Variants in GNA11 observed in about 807,000 individuals in gnomAD.
GNA11 encodes the protein guanine nucleotide-binding protein subunit alpha-11.
In GNA11, 8 loss-of-function variants were observed where a neutral mutation model predicts 38.2. The ratio of observed to expected loss-of-function variants is 0.21; its 90% CI spans 0.12 to 0.38. GNA11 has a LOEUF of 0.38. Ranked by LOEUF, GNA11 falls within the 10% of genes least tolerant of loss-of-function variation. The probability of loss-of-function intolerance (pLI) is 1.00; values close to 1 mark genes in which losing one functional copy is unlikely to be tolerated. For synonymous variants in GNA11, 211 were observed against 221.4 expected (o/e 0.95, Z 0.42); for missense variants, 268 against 516.3 (o/e 0.52, Z 4.66).
In GNA11 at chr19:3,123,608, G is replaced by A. The variant is rs754047880; in HGVS notation, c.*2429G>A. 4.3e-5 allele frequency: 10 copies of A among 233,032 alleles called. No individual in the cohort carries two copies. The highest frequency in any genetic ancestry group is 1.2e-4 in the East Asian group (2 of 16,574). The allele number at this position is 233,032 out of a possible 1,614,324, so 14.4% of individuals were successfully genotyped here. ...TTACGCCCGGGCGGCAGCAGCCCCC[G>A]GCCACTGCAAACCCATGCCCTGGGT... On this transcript the variant is annotated 3_prime_UTR_variant, in exon 7 of 7. Transcript: ENST00000078429.
chr19:3,121,199 C>T lies in GNA11; in HGVS notation c.*20C>T, dbSNP rs370289329. 114 of 1,591,942 alleles carry T rather than the reference C, an allele frequency of 7.2e-5. No homozygotes were observed. Among genetic ancestry groups the T allele is most frequent in the South Asian group, 2.7e-4 (24 of 90,092 alleles). ...GTCTGAGCGCCCAGGCCCAGGGAGA[C>T]GGGATGGAGACACGGGGCAGGACCT... On this transcript the variant is annotated 3_prime_UTR_variant, in exon 7 of 7. Coordinates refer to ENST00000078429, the MANE Select transcript of GNA11 (RefSeq NM_002067.5).
In GNA11 at chr19:3,094,903, G is replaced by T; in HGVS notation, c.136+116G>T. The T allele has an allele frequency of 1.4e-6, 1 of 700,558 alleles. No homozygotes were observed. Among genetic ancestry groups the T allele is most frequent in the Non-Finnish European group, 2.1e-6 (1 of 474,362 alleles). 43.4% of individuals were successfully genotyped at this position (700,558 alleles called of 1,614,324 possible). A position where few individuals can be genotyped will look rare whatever the true frequency, so the allele number is the denominator to read the frequency against. ...CAGCCCTGCCTGTGCCGTCCGGGTC[G>T]CGAGACCCTCCGGGGTCAGCCCTGC... On this transcript the variant is annotated intron_variant, in intron 1 of 6. Transcript: ENST00000078429. The surrounding 1 kb of genome is among the most constrained non-coding windows in gnomAD (Gnocchi z 6.0).
chr19:3,096,338 G>A (rs946240894), intron 1 of GNA11, among the ~76,000 whole-genome samples: 1 of 152,192 alleles, frequency 6.6e-6, no homozygotes, highest in African/African-American at 2.4e-5. Context: ...TGTGCAGTGC[G>A]GCCCGCGTGG....
intron 3 of GNA11, among the ~76,000 whole-genome samples, chr19:3,113,752 G>C: frequency 6.6e-6 from 1 of 152,194 alleles, no homozygotes; most frequent in Non-Finnish European, 1.5e-5. Context: ...GGTCAGGAGT[G>C]AGCTCCTGGC....
At chr19:3,102,493 A>G (rs1913530381) in intron 1 of GNA11, among the ~76,000 whole-genome samples, 1 of 152,112 alleles carries the variant, frequency 6.6e-6, no homozygotes, top group Admixed American at 6.5e-5. Context: ...TCCCTGCCTG[A>G]GGGTGCGTGC....
intron 4 of GNA11, chr19:3,118,209 G>C (rs308048): frequency 0.26 from 39,418 of 152,088 alleles, 5,346 homozygotes; most frequent in Middle Eastern, 0.3. Context: ...CTCCGCTTCT[G>C]CCTTTGTATT....
At chr19:3,111,057 G>C (rs758229713) in intron 2 of GNA11, among the ~76,000 whole-genome samples, 1 of 152,028 alleles carries the variant, frequency 6.6e-6, no homozygotes, top group Non-Finnish European at 1.5e-5. Flanking sequence ...GCCTCCCAAA[G>C]TGCTGGGATT....
intron 2 of GNA11, among the ~76,000 whole-genome samples, chr19:3,111,146 C>T (rs527538723): frequency 7.5e-4 from 111 of 148,222 alleles, no homozygotes; most frequent in African/African-American, 2.8e-3. Flanking sequence ...TCATTTGATG[C>T]CCTGTTTTTA....
intron 4 of GNA11, 142 bp from the exon 5 acceptor site, chr19:3,118,782 C>T (rs1913988254): frequency 2.6e-6 from 2 of 755,256 alleles, no homozygotes; most frequent in Non-Finnish European, 4.4e-6. Context: ...GCGTCCTTGC[C>T]CGTTCTAAGA....
Position 3,121,293 on chromosome 19 carries a change from G to A in GNA11, c.*114G>A, listed in dbSNP as rs1360136447. The A allele has an allele frequency of 1.4e-4, 97 of 684,674 alleles. No homozygotes were observed. The highest frequency in any genetic ancestry group is 5.5e-4 in the Admixed American group (18 of 32,984). The allele number at this position is 684,674 out of a possible 1,614,324, so 42.4% of individuals were successfully genotyped here. A position where few individuals can be genotyped will look rare whatever the true frequency, so the allele number is the denominator to read the frequency against. On this transcript the variant is annotated 3_prime_UTR_variant, in exon 7 of 7. Coordinates refer to ENST00000078429, the MANE Select transcript of GNA11 (RefSeq NM_002067.5). Reference sequence around the variant, plus strand: ...AGTCCGGGCCGGGGCCTCTGCCCGCGGGAGGAGATTTTTTTTTTTCATATT... The same window carrying A: ...AGTCCGGGCCGGGGCCTCTGCCCGCAGGAGGAGATTTTTTTTTTTCATATT...
rs556105884 is a variant in GNA11 at position 3,110,730 on chromosome 19, C to T, written c.321+397C>T. Among the ~76,000 whole-genome samples, 9 of 152,322 alleles carry T rather than the reference C, an allele frequency of 5.9e-5. No individual in the cohort carries two copies. The highest frequency in any genetic ancestry group is 1.3e-4 in the Admixed American group (2 of 15,312). ...AGGCTGAGCAGCCTACCAGGCACCT[C>T]GTTTCGGCCCTGACACTCACCCATG... On this transcript the variant is annotated intron_variant, in intron 2 of 6. Coordinates refer to ENST00000078429, the MANE Select transcript of GNA11 (RefSeq NM_002067.5). This position sits in a 1 kb window ranked among gnomAD's most constrained non-coding sequence, Gnocchi z 5.4.
intron 1 of GNA11, among the ~76,000 whole-genome samples, chr19:3,098,752 AG>A (rs1157222724): frequency 7.2e-5 from 11 of 152,122 alleles, no homozygotes; most frequent in Admixed American, 7.2e-4. Flanking sequence ...GGCGCCTGGC[AG>A]GGTGGCTGTG....
At chr19:3,114,774 C>T (rs1417064543) in intron 3 of GNA11, among the ~76,000 whole-genome samples, 170 bp from the exon 4 acceptor site, 2 of 152,222 alleles carry the variant, frequency 1.3e-5, no homozygotes, top group East Asian at 3.8e-4. Context: ...ACCCCAGGGT[C>T]TCCATTGGCC....
intron 1 of GNA11, among the ~76,000 whole-genome samples, chr19:3,101,921 C>T (rs1400415204): frequency 5.3e-5 from 8 of 152,082 alleles, no homozygotes; most frequent in Non-Finnish European, 8.8e-5. Flanking sequence ...TGACGAGACC[C>T]CTGTCTCTAC....
intron 1 of GNA11, among the ~76,000 whole-genome samples, chr19:3,101,566 G>GT (rs1555700799): frequency 2.6e-5 from 4 of 152,196 alleles, no homozygotes; most frequent in Non-Finnish European, 5.9e-5. Context: ...GGGGGCCTGG[G>GT]CTCCGGACTC....
intron 1 of GNA11, among the ~76,000 whole-genome samples, chr19:3,107,591 C>G (rs1913669693): frequency 6.6e-6 from 1 of 152,190 alleles, no homozygotes; most frequent in Non-Finnish European, 1.5e-5. Flanking sequence ...AACACCCTTC[C>G]AAACAAACAC....
intron 1 of GNA11, among the ~76,000 whole-genome samples, chr19:3,100,873 G>A (rs984505142): frequency 1.3e-5 from 2 of 152,196 alleles, no homozygotes; most frequent in Admixed American, 1.3e-4. Flanking sequence ...GGCAGACAGC[G>A]GGGAGGGAGC....
chr19:3,096,653 G>A (rs1268536755), intron 1 of GNA11, among the ~76,000 whole-genome samples: 1 of 152,172 alleles, frequency 6.6e-6, no homozygotes, highest in Non-Finnish European at 1.5e-5. Flanking sequence ...TCTGTCCAGT[G>A]CCCGCCTGTG....
At chr19:3,101,268 G>A (rs1390843412) in intron 1 of GNA11, among the ~76,000 whole-genome samples, 1 of 152,168 alleles carries the variant, frequency 6.6e-6, no homozygotes, top group African/African-American at 2.4e-5. Context: ...AGCGGGACTT[G>A]TGCGGCCTGC....
Sources: allele counts gnomAD v4.1 joint callset (sites outside exome capture counted in the v4.1 genomes callset), GRCh38; gene constraint gnomAD v4.1.1; non-coding constraint Gnocchi (gnomAD v3.1); transcripts MANE v1.5; gene names NCBI Gene and HGNC (gene_info 2026-07-23, HGNC 2026-07-21).